The following SUPT3H variants were observed in gnomAD, a reference collection of about 807,000 sequenced individuals.
The protein encoded by SUPT3H is SPT3 homolog, SAGA and STAGA complex component, also known as transcription initiation protein SPT3 homolog.
In SUPT3H, 44 loss-of-function variants were observed where a neutral mutation model predicts 44.3. That is an observed-to-expected ratio of 0.99 (90% CI 0.78 to 1.28). The LOEUF (loss-of-function observed/expected upper bound fraction) is 1.28. SUPT3H is among the 50% of genes most tolerant of loss of function. The pLI, the probability that SUPT3H is intolerant of heterozygous loss-of-function variation, is 0.00. For synonymous variants in SUPT3H, 124 were observed against 125.6 expected (o/e 0.99, Z 0.09); for missense variants, 380 against 387.1 (o/e 0.98, Z 0.15).
chr6:45,260,995 T>C (rs928596706), intron 2 of SUPT3H, among the ~76,000 whole-genome samples: 3 of 152,124 alleles, frequency 2.0e-5, no homozygotes, highest in African/African-American at 7.2e-5. Flanking sequence ...CACCACCAGA[T>C]AGGCCAGCTG....
chr6:45,120,720 C>A (rs1465925970), intron 2 of SUPT3H, among the ~76,000 whole-genome samples: 1 of 152,050 alleles, frequency 6.6e-6, no homozygotes, highest in East Asian at 1.9e-4. Context: ...TCTATTCATG[C>A]AAATAGCTGT....
At chr6:45,126,351 A>AT (rs1802426025) in intron 2 of SUPT3H, among the ~76,000 whole-genome samples, 1 of 152,226 alleles carries the variant, frequency 6.6e-6, no homozygotes, top group Non-Finnish European at 1.5e-5. Flanking sequence ...TTTAGTGGTT[A>AT]TTTTTAAGGT....
chr6:45,309,350 C>T (rs927907989), intron 2 of SUPT3H, among the ~76,000 whole-genome samples: 5 of 151,130 alleles, frequency 3.3e-5, no homozygotes, highest in Admixed American at 2.0e-4. Flanking sequence ...CCGAAAAACA[C>T]GATGAAATGA....
chr6:45,237,613 C>A (rs1769430616), intron 2 of SUPT3H, among the ~76,000 whole-genome samples: 1 of 152,122 alleles, frequency 6.6e-6, no homozygotes, highest in South Asian at 2.1e-4. Flanking sequence ...TTTAGGTTAT[C>A]ATTTTTGATG....
At chr6:44,941,083 G>A (rs191196238) in intron 9 of SUPT3H, among the ~76,000 whole-genome samples, 6 of 152,130 alleles carry the variant, frequency 3.9e-5, no homozygotes, top group African/African-American at 1.4e-4. Flanking sequence ...TGATAAGTGA[G>A]GTTTTGCTCC....
chr6:44,980,802 T>C (rs1307593910), intron 6 of SUPT3H, among the ~76,000 whole-genome samples: 1 of 152,206 alleles, frequency 6.6e-6, no homozygotes, highest in Non-Finnish European at 1.5e-5. Context: ...TTAAATGCAA[T>C]TTATGTAGCT....
At chr6:45,204,357 T>C (rs1263681254) in intron 2 of SUPT3H, among the ~76,000 whole-genome samples, 1 of 152,052 alleles carries the variant, frequency 6.6e-6, no homozygotes, top group African/African-American at 2.4e-5. Flanking sequence ...ATTTGATAAC[T>C]GCTAAGGTGA....
At chr6:45,013,791 C>G (rs903932969) in intron 5 of SUPT3H, among the ~76,000 whole-genome samples, 1 of 151,934 alleles carries the variant, frequency 6.6e-6, no homozygotes, top group Non-Finnish European at 1.5e-5. Context: ...AAAATTGTTG[C>G]CCTAGAATAA....
chr6:45,100,920 T>C (rs1190905890), intron 3 of SUPT3H, among the ~76,000 whole-genome samples: 2 of 152,136 alleles, frequency 1.3e-5, no homozygotes, highest in Non-Finnish European at 2.9e-5. Flanking sequence ...ATACTCACAA[T>C]AGCCAAGACA....
intron 10 of SUPT3H, among the ~76,000 whole-genome samples, chr6:44,837,062 A>T (rs1043122141): frequency 2.0e-5 from 3 of 152,232 alleles, no homozygotes; most frequent in Non-Finnish European, 4.4e-5. Context: ...GATAACATCA[A>T]ATACTCTTTT....
At chr6:44,913,464 G>A (rs1026554904) in intron 10 of SUPT3H, among the ~76,000 whole-genome samples, 26 of 152,142 alleles carry the variant, frequency 1.7e-4, no homozygotes, top group African/African-American at 6.0e-4. Context: ...TTCTTAACAG[G>A]ATGAGAGAAG....
intron 10 of SUPT3H, among the ~76,000 whole-genome samples, chr6:44,868,249 G>A (rs1775813172): frequency 6.6e-6 from 1 of 152,154 alleles, no homozygotes. Context: ...CTCTTAACAA[G>A]TTCTTGTTAG....
chr6:45,027,209 G>A (rs1017583847), intron 3 of SUPT3H, among the ~76,000 whole-genome samples: 1 of 151,852 alleles, frequency 6.6e-6, no homozygotes, highest in African/African-American at 2.4e-5. Flanking sequence ...CAGGCTGGCT[G>A]GGAACTTCTG....
At chr6:44,916,678 G>C (rs1468819541) in intron 10 of SUPT3H, among the ~76,000 whole-genome samples, 2 of 152,152 alleles carry the variant, frequency 1.3e-5, no homozygotes, top group East Asian at 1.9e-4. Flanking sequence ...GCTTCCCTTT[G>C]TGATTCTCTG....
chr6:44,910,994 C>CAAAAAAA (rs34384511), intron 10 of SUPT3H, among the ~76,000 whole-genome samples: 1 of 62,696 alleles, frequency 1.6e-5, no homozygotes, highest in Non-Finnish European at 2.6e-5. Context: ...GACTCCATCT[C>CAAAAAAA]AAAAAAAAAA....
chr6:45,185,208 T>C (rs981269852), intron 2 of SUPT3H, among the ~76,000 whole-genome samples: 1 of 152,136 alleles, frequency 6.6e-6, no homozygotes, highest in Non-Finnish European at 1.5e-5. Context: ...GGAGACTTTA[T>C]TAAGAAGGAA....
chr6:45,160,587 A>G (rs1033015971), intron 2 of SUPT3H, among the ~76,000 whole-genome samples: 1 of 152,046 alleles, frequency 6.6e-6, no homozygotes, highest in African/African-American at 2.4e-5. Context: ...AGTTTCCAAA[A>G]GGCCTGAAAT....
intron 3 of SUPT3H, among the ~76,000 whole-genome samples, chr6:45,028,752 T>C (rs1033544565): frequency 3.9e-5 from 6 of 151,932 alleles, no homozygotes; most frequent in Non-Finnish European, 8.8e-5. Context: ...ATTAAGCCAT[T>C]CATGTTTCTC....
intron 2 of SUPT3H, among the ~76,000 whole-genome samples, chr6:45,216,790 C>T (rs1227606382): frequency 6.6e-6 from 1 of 151,974 alleles, no homozygotes; most frequent in Admixed American, 6.6e-5. Flanking sequence ...ACAGGAACAC[C>T]TGATATATAT....
Sources: allele counts gnomAD v4.1 joint callset (sites outside exome capture counted in the v4.1 genomes callset), GRCh38; gene constraint gnomAD v4.1.1; transcripts MANE v1.5; gene names NCBI Gene and HGNC (gene_info 2026-07-23, HGNC 2026-07-21).